SDK2: variants seen among roughly 807,000 people sequenced by gnomAD.
SDK2 encodes sidekick cell adhesion molecule 2.
A neutral mutation model predicts 253.9 loss-of-function variants in SDK2; 105 were observed. That is an observed-to-expected ratio of 0.41 (90% CI 0.35 to 0.49). SDK2 has a LOEUF of 0.49. Ranked by LOEUF, SDK2 falls within the 20% of genes least tolerant of loss-of-function variation. SDK2 has a pLI of 0.06. For synonymous variants in SDK2, 1,249 were observed against 1,234.9 expected (o/e 1.01, Z -0.24); for missense variants, 2,608 against 3,003.0 (o/e 0.87, Z 3.07).
At chr17:73,606,560 C>A (rs201453251) in intron 1 of SDK2, among the ~76,000 whole-genome samples, 1 of 152,160 alleles carries the variant, frequency 6.6e-6, no homozygotes, top group East Asian at 1.9e-4. Flanking sequence ...CGGGTTTCAC[C>A]GTTTCTACTC....
At chr17:73,580,357 A>G (rs1352784916) in intron 1 of SDK2, among the ~76,000 whole-genome samples, 7 of 152,228 alleles carry the variant, frequency 4.6e-5, no homozygotes, top group Non-Finnish European at 7.3e-5. Context: ...TCCAGGCCAA[A>G]ATCTGTTATA....
At chr17:73,546,619 C>G (rs527553023) in intron 1 of SDK2, among the ~76,000 whole-genome samples, 18 of 152,328 alleles carry the variant, frequency 1.2e-4, no homozygotes, top group Middle Eastern at 6.8e-3. Flanking sequence ...GGGCCATGGC[C>G]TGGACTGGGC....
chr17:73,576,139 G>A (rs957045203), intron 1 of SDK2, among the ~76,000 whole-genome samples: 1 of 152,234 alleles, frequency 6.6e-6, no homozygotes, highest in Non-Finnish European at 1.5e-5. Context: ...TGGGAGGAAG[G>A]TGAGTGTGGG....
At position 73,497,934 on chromosome 17, in the gene SDK2, T is replaced by C. The variant is rs189303734; in HGVS notation, c.224+9504A>G. ...TCAGATCCTCCAGACACAAGGTCCT[T>C]GGATGGAGCCGCAGGGACCATTCCT... On this transcript the variant is annotated intron_variant, in intron 2 of 44. Coordinates refer to ENST00000392650, the MANE Select transcript of SDK2 (RefSeq NM_001144952.2). 2.3e-4 allele frequency among the ~76,000 whole-genome samples: 35 copies of C among 152,276 alleles called. No individual in the cohort carries two copies. The East Asian group carries it at 6.4e-3, about 28-fold the overall frequency.
chr17:73,521,672 C>T (rs968160625), intron 1 of SDK2, among the ~76,000 whole-genome samples: 32 of 152,282 alleles, frequency 2.1e-4, no homozygotes, highest in African/African-American at 7.7e-4. Flanking sequence ...AGGCCATTTG[C>T]AATGACAGAA....
intron 1 of SDK2, among the ~76,000 whole-genome samples, chr17:73,569,500 A>G (rs1372876041): frequency 6.7e-6 from 1 of 149,858 alleles, no homozygotes; most frequent in Non-Finnish European, 1.5e-5. Context: ...GCTGGGCCCC[A>G]TGTTATTTTG....
intron 18 of SDK2, among the ~76,000 whole-genome samples, chr17:73,407,422 G>A (rs980641916): frequency 6.6e-6 from 1 of 151,988 alleles, no homozygotes. Context: ...CATAATAATG[G>A]TAATGGATTG....
intron 18 of SDK2, among the ~76,000 whole-genome samples, chr17:73,410,000 A>G (rs1003164351): frequency 6.6e-6 from 1 of 152,088 alleles, no homozygotes; most frequent in Non-Finnish European, 1.5e-5. Context: ...GATCACAGGC[A>G]CTCAACACCA....
At chr17:73,488,311 C>T (rs763824039) in intron 2 of SDK2, among the ~76,000 whole-genome samples, 6 of 152,202 alleles carry the variant, frequency 3.9e-5, no homozygotes, top group Non-Finnish European at 8.8e-5. Flanking sequence ...CCACCACGCC[C>T]GGCCAAGATG....
intron 36 of SDK2, among the ~76,000 whole-genome samples, chr17:73,377,072 C>CCTGTGGGATGAGG (rs1568371968): frequency 2.0e-5 from 3 of 152,276 alleles, no homozygotes; most frequent in East Asian, 1.9e-4. Flanking sequence ...CTACTCCCCA[C>CCTGTGGGATGAGG]TTAAGCCATG....
intron 1 of SDK2, among the ~76,000 whole-genome samples, chr17:73,574,595 C>A (rs1426679842): frequency 6.6e-6 from 1 of 152,126 alleles, no homozygotes; most frequent in Non-Finnish European, 1.5e-5. Context: ...CCCCACCAGG[C>A]TCAGCTATCA....
chr17:73,408,799 A>G (rs2063102479), intron 18 of SDK2, among the ~76,000 whole-genome samples: 1 of 152,304 alleles, frequency 6.6e-6, no homozygotes, highest in African/African-American at 2.4e-5. Flanking sequence ...ACTGACTGCA[A>G]TTGTGTGAAC....
intron 1 of SDK2, among the ~76,000 whole-genome samples, chr17:73,592,148 T>C (rs918605884): frequency 1.3e-5 from 2 of 152,204 alleles, no homozygotes; most frequent in African/African-American, 2.4e-5. Context: ...CAGTAGCCCT[T>C]GCACCACAGA....
chr17:73,393,826 A>G, intron 26 of SDK2, 77 bp from the exon 27 acceptor site: 6 of 1,174,402 alleles, frequency 5.1e-6, no homozygotes, highest in Non-Finnish European at 7.0e-6. Context: ...TCTCATCCCC[A>G]GGATGAGCAG....
At chr17:73,560,531 T>A (rs1201812860) in intron 1 of SDK2, among the ~76,000 whole-genome samples, 1 of 152,146 alleles carries the variant, frequency 6.6e-6, no homozygotes, top group Non-Finnish European at 1.5e-5. Context: ...GTAGAGACGG[T>A]GTTTCACCAT....
Position 73,443,545 on chromosome 17 carries a change from G to A in SDK2, c.614-2622C>T, listed in dbSNP as rs954721631. Among the ~76,000 whole-genome samples, 2 of 152,240 alleles carry A rather than the reference G, an allele frequency of 1.3e-5. No individual in the cohort carries two copies. Among genetic ancestry groups the A allele is most frequent in the African/African-American group, 4.8e-5 (2 of 41,466 alleles). On this transcript the variant is annotated intron_variant, in intron 5 of 44. Coordinates refer to ENST00000392650, the MANE Select transcript of SDK2 (RefSeq NM_001144952.2). This position sits in a 1 kb window ranked among gnomAD's most constrained non-coding sequence, Gnocchi z 4.6. ...TAAACAGGGAGACCTCAAGGAAGGC[G>A]AGTTCTGAGTTTAAAAATACGAGGG...
At chr17:73,366,749 G>A (rs1292038705) in intron 37 of SDK2, among the ~76,000 whole-genome samples, 7 of 152,034 alleles carry the variant, frequency 4.6e-5, no homozygotes, top group Admixed American at 1.3e-4. Context: ...GCCTGTCCAC[G>A]GGGCTTCTGG....
At chr17:73,359,575 C>T in intron 39 of SDK2, among the ~76,000 whole-genome samples, 1 of 152,212 alleles carries the variant, frequency 6.6e-6, no homozygotes. Flanking sequence ...CCAGCGAGTC[C>T]AGCCACTGCC....
rs752536564 is a variant in SDK2, at chr17:73,534,303, C to T, written c.65-26706G>A. On this transcript the variant is annotated intron_variant, in intron 1 of 44. Transcript: ENST00000392650. This position sits in a 1 kb window ranked among gnomAD's most constrained non-coding sequence, Gnocchi z 4.9. ...TCCGCTGCTGGGGGAAGGGGAGTGG[C>T]ATTAAATAGCTGGCGGCAGGGAGAC... 6.6e-6 allele frequency among the ~76,000 whole-genome samples: 1 copy of T among 152,166 alleles called. No homozygotes were observed. Among genetic ancestry groups the T allele is most frequent in the Non-Finnish European group, 1.5e-5 (1 of 68,024 alleles).
Sources: gnomAD v4.1 joint callset for allele counts (sites outside exome capture counted in the v4.1 genomes callset) on GRCh38, gnomAD v4.1.1 for gene constraint, Gnocchi (gnomAD v3.1) non-coding constraint, MANE v1.5 for transcripts, NCBI Gene and HGNC (gene_info 2026-07-23, HGNC 2026-07-21) for gene names.